FNDC7: variants seen among roughly 807,000 people sequenced by gnomAD.
The protein encoded by FNDC7 is fibronectin type III domain-containing protein 7.
A neutral mutation model predicts 74.2 loss-of-function variants in FNDC7; 66 were observed. That is an observed-to-expected ratio of 0.89 (90% CI 0.73 to 1.09). FNDC7 has a LOEUF of 1.09. Among genes scored for constraint, FNDC7 ranks in the 50% least tolerant of loss-of-function variants. The pLI, the probability that FNDC7 is intolerant of heterozygous loss-of-function variation, is 0.00. For synonymous variants in FNDC7, 307 were observed against 330.2 expected, an observed-to-expected ratio of 0.93 and a Z score of 0.76; for missense variants, 829 against 893.4, an observed-to-expected ratio of 0.93 and a Z score of 0.92.
chr1:108,725,004 C>T (rs182642370), intron 5 of FNDC7, among the ~76,000 whole-genome samples: 203 of 151,778 alleles, frequency 1.3e-3, no homozygotes, highest in African/African-American at 4.8e-3. Flanking sequence ...TCACTTCAGC[C>T]CAGGAGGTGG....
At chr1:108,733,694 A>T (rs1443143033) in intron 10 of FNDC7, among the ~76,000 whole-genome samples, 162 bp downstream of exon 10, 1 of 131,760 alleles carries the variant, frequency 7.6e-6, no homozygotes, top group Non-Finnish European at 1.5e-5. Flanking sequence ...TCTGTCGCCC[A>T]GGCTGGAGTG....
At chr1:108,723,940 G>T (rs558238040) in intron 5 of FNDC7, among the ~76,000 whole-genome samples, 1 of 152,324 alleles carries the variant, frequency 6.6e-6, no homozygotes, top group South Asian at 2.1e-4. Context: ...ACAGGTCCAG[G>T]ATGTTCTAAG....
rs540399800 is a variant in FNDC7, at chr1:108,732,134, C to T, written c.1880-1138C>T. Among the ~76,000 whole-genome samples, 753 of 151,990 alleles carry T rather than the reference C, an allele frequency of 5.0e-3. 5 individuals carry two copies. Among genetic ancestry groups the T allele is most frequent in the African/African-American group, 0.016 (655 of 41,448 alleles). ...CAGCACTTTGGGAGGCCGAGGCAGG[C>T]GGATCACGAGGTCAGGAGATCAAGA... On this transcript the variant is annotated intron_variant, in intron 9 of 12. Coordinates refer to ENST00000370017, the MANE Select transcript of FNDC7 (RefSeq NM_001144937.3).
intron 5 of FNDC7, among the ~76,000 whole-genome samples, chr1:108,724,859 TCA>T (rs1570728499): frequency 6.6e-6 from 1 of 151,888 alleles, no homozygotes; most frequent in Non-Finnish European, 1.5e-5. Flanking sequence ...GAGGGGAGGA[TCA>T]CTTGAAGTCA....
At chr1:108,722,788 G>T (rs894001212) in intron 5 of FNDC7, among the ~76,000 whole-genome samples, 196 bp downstream of exon 5, 42 of 152,230 alleles carry the variant, frequency 2.8e-4, no homozygotes, top group African/African-American at 9.4e-4. Context: ...ATTGCAAAAA[G>T]CACTTTTTGG....
At chr1:108,713,580 TC>T in intron 2 of FNDC7, 51 bp downstream of exon 2, 1 of 1,490,128 alleles carries the variant, frequency 6.7e-7, no homozygotes, top group Non-Finnish European at 9.1e-7. Flanking sequence ...GATTTTAATT[TC>T]CATTGTTAAT....
At chr1:108,729,349 A>C (rs1213989783) in intron 8 of FNDC7, among the ~76,000 whole-genome samples, 1 of 152,178 alleles carries the variant, frequency 6.6e-6, no homozygotes, top group African/African-American at 2.4e-5. Flanking sequence ...GGAGGTCGAG[A>C]CCATCCTGGC....
intron 2 of FNDC7, among the ~76,000 whole-genome samples, chr1:108,714,250 AT>A (rs1280480270): frequency 6.6e-6 from 1 of 152,216 alleles, no homozygotes; most frequent in Non-Finnish European, 1.5e-5. Flanking sequence ...AATTAGAAAA[AT>A]TTTTATTTAT....
intron 2 of FNDC7, 97 bp downstream of exon 2, chr1:108,713,626 G>GA (rs993584376): frequency 6.0e-4 from 663 of 1,102,836 alleles, no homozygotes; most frequent in Non-Finnish European, 6.9e-4. Flanking sequence ...GGCTATATGA[G>GA]AAAAAAAAAT....
chr1:108,727,384 C>T (rs984859498), intron 6 of FNDC7, among the ~76,000 whole-genome samples: 14 of 151,994 alleles, frequency 9.2e-5, no homozygotes, highest in Admixed American at 2.0e-4. Flanking sequence ...GTGAGCCCTA[C>T]CCCCCAGTTT....
intron 2 of FNDC7, among the ~76,000 whole-genome samples, chr1:108,714,084 G>A (rs2101074860): frequency 6.6e-6 from 1 of 152,118 alleles, no homozygotes; most frequent in East Asian, 1.9e-4. Flanking sequence ...GATAACCGAA[G>A]GCAAAAATAA....
intron 11 of FNDC7, among the ~76,000 whole-genome samples, chr1:108,740,384 G>A (rs1309596474): frequency 7.3e-6 from 1 of 137,540 alleles, no homozygotes; most frequent in Non-Finnish European, 1.5e-5. Flanking sequence ...CTGGAGTGCA[G>A]TGGTGCAATC....
chr1:108,740,050 A>AAAAG (rs1661602765), intron 11 of FNDC7, among the ~76,000 whole-genome samples: 1 of 147,156 alleles, frequency 6.8e-6, no homozygotes, highest in Admixed American at 6.7e-5. Context: ...AAAAAAAAAA[A>AAAAG]TCCCGCAAGG....
chr1:108,721,786 G>A (rs185079350), intron 4 of FNDC7, among the ~76,000 whole-genome samples: 68 of 152,286 alleles, frequency 4.5e-4, no homozygotes, highest in African/African-American at 1.5e-3. Flanking sequence ...TTTTGATAAT[G>A]AATGGAAAGA....
rs1002302998 is a variant in FNDC7 at position 108,736,834 on chromosome 1, T to C, written c.2141-661T>C. ...TTGCAGTATCAGTGATGTCTTATTC[T>C]GATAATCAGGACAATATTGTAAATG... On this transcript the variant is annotated intron_variant, in intron 10 of 12. Coordinates refer to ENST00000370017, the MANE Select transcript of FNDC7 (RefSeq NM_001144937.3). Among the ~76,000 whole-genome samples the C allele has an allele frequency of 2.6e-5, 4 of 152,346 alleles. No homozygotes were observed. The South Asian group carries it at 8.3e-4, about 32-fold the overall frequency.
intron 5 of FNDC7, among the ~76,000 whole-genome samples, chr1:108,725,054 C>A (rs879909403): frequency 3.3e-4 from 50 of 151,754 alleles, no homozygotes; most frequent in Non-Finnish European, 6.0e-4. Context: ...GTGCTCCAGC[C>A]TGGGCAACCG....
chr1:108,724,561 C>T (rs905585780), intron 5 of FNDC7, among the ~76,000 whole-genome samples: 4 of 151,832 alleles, frequency 2.6e-5, no homozygotes, highest in Admixed American at 1.3e-4. Context: ...CAAGACTAGC[C>T]TGGGCAACAT....
At chr1:108,721,104 C>T (rs1277467576) in intron 4 of FNDC7, among the ~76,000 whole-genome samples, 1 of 152,204 alleles carries the variant, frequency 6.6e-6, no homozygotes, top group African/African-American at 2.4e-5. Context: ...AGGGGCCTGT[C>T]AAGATGGCCC....
At chr1:108,716,356 T>C (rs1660976471) in intron 2 of FNDC7, among the ~76,000 whole-genome samples, 1 of 150,624 alleles carries the variant, frequency 6.6e-6, no homozygotes, top group African/African-American at 2.4e-5. Flanking sequence ...TGTGTGTGTG[T>C]GTGTGTGTGT....
Sources: gnomAD v4.1 joint callset for allele counts (sites outside exome capture counted in the v4.1 genomes callset) on GRCh38, gnomAD v4.1.1 for gene constraint, MANE v1.5 for transcripts, NCBI Gene and HGNC (gene_info 2026-07-23, HGNC 2026-07-21) for gene names.